The following CES5A variants were observed in gnomAD, a reference collection of about 807,000 sequenced individuals.
The protein encoded by CES5A is carboxylesterase 5A, also known as carboxylesterase 5.
Under a neutral mutation model 62.9 loss-of-function variants are expected in CES5A, and 67 were observed. That is an observed-to-expected ratio of 1.07 (90% CI 0.88 to 1.31). The LOEUF (loss-of-function observed/expected upper bound fraction) is 1.31, where lower values mean the gene tolerates loss of function less well. Among genes scored for constraint, CES5A ranks in the 50% most tolerant of loss-of-function variants. CES5A has a pLI of 0.00. For missense variants in CES5A, 748 were observed against 708.5 expected (o/e 1.06, Z -0.63); for synonymous variants, 296 against 280.8 (o/e 1.05, Z -0.54).
intron 1 of CES5A, among the ~76,000 whole-genome samples, chr16:55,900,581 C>T (rs968989116): frequency 6.6e-6 from 1 of 152,162 alleles, no homozygotes; most frequent in Non-Finnish European, 1.5e-5. Context: ...AATTGCAATG[C>T]CACAGCCACT....
intron 1 of CES5A, among the ~76,000 whole-genome samples, chr16:55,925,126 A>G (rs2034245321): frequency 6.6e-6 from 1 of 152,060 alleles, no homozygotes; most frequent in African/African-American, 2.4e-5. Context: ...CCGACAACAG[A>G]TTAATAATCA....
At chr16:55,854,839 G>A (rs2033208125) in intron 9 of CES5A, among the ~76,000 whole-genome samples, 1 of 151,998 alleles carries the variant, frequency 6.6e-6, no homozygotes, top group African/African-American at 2.4e-5. Flanking sequence ...GTTTCAGAGG[G>A]CTTTTTCTAA....
At chr16:55,908,703 C>G (rs2034063950) in intron 1 of CES5A, among the ~76,000 whole-genome samples, 1 of 152,200 alleles carries the variant, frequency 6.6e-6, no homozygotes, top group African/African-American at 2.4e-5. Context: ...CTAATCTTTC[C>G]CTTCTTGCTA....
At chr16:55,940,040 T>G (rs1197962546) in intron 2 of CES5A, among the ~76,000 whole-genome samples, 1 of 151,854 alleles carries the variant, frequency 6.6e-6, no homozygotes, top group Non-Finnish European at 1.5e-5. Context: ...GATGAAAATT[T>G]ATAGTATTGG....
chr16:55,867,383 G>T (rs2033485864), intron 4 of CES5A, among the ~76,000 whole-genome samples: 1 of 152,148 alleles, frequency 6.6e-6, no homozygotes, highest in South Asian at 2.1e-4. Flanking sequence ...GAGAACAAAT[G>T]AAACAAGTGG....
intron 1 of CES5A, among the ~76,000 whole-genome samples, chr16:55,896,102 A>T (rs968503534): frequency 5.9e-5 from 9 of 152,204 alleles, no homozygotes; most frequent in Admixed American, 3.3e-4. Flanking sequence ...CACATAGCTT[A>T]GGAGGCCTCA....
chr16:55,912,202 T>G (rs1474691408), intron 1 of CES5A, among the ~76,000 whole-genome samples: 1 of 152,210 alleles, frequency 6.6e-6, no homozygotes, highest in East Asian at 1.9e-4. Flanking sequence ...GAAGTCATCT[T>G]CTCGCTGTCG....
At chr16:55,850,906 T>TAA (rs35595444) in intron 10 of CES5A, among the ~76,000 whole-genome samples, 6 of 151,826 alleles carry the variant, frequency 4.0e-5, no homozygotes, top group Non-Finnish European at 8.8e-5. Flanking sequence ...CTTTTCTTTT[T>TAA]AAAAAAATTA....
chr16:55,920,178 T>C (rs2034190290), intron 1 of CES5A, among the ~76,000 whole-genome samples: 1 of 152,116 alleles, frequency 6.6e-6, no homozygotes, highest in Non-Finnish European at 1.5e-5. Context: ...AGAACTGGAC[T>C]CTCACATCCA....
chr16:55,876,529 G>A (rs1251538291), upstream of CES5A, among the ~76,000 whole-genome samples: 1 of 152,154 alleles, frequency 6.6e-6, no homozygotes, highest in Non-Finnish European at 1.5e-5. Context: ...AAGCATGTGT[G>A]ATGCAAAGTG....
At chr16:55,924,443 T>C in intron 1 of CES5A, among the ~76,000 whole-genome samples, 1 of 151,760 alleles carries the variant, frequency 6.6e-6, no homozygotes, top group Non-Finnish European at 1.5e-5. Context: ...CAAAGAAATA[T>C]ATTCCATGCT....
Position 55,875,255 on chromosome 16 carries a change from G to A in CES5A, c.-34C>T, listed in dbSNP as rs756008158. ...CTGCCTGCACTCTGTGAACATTGAC[G>A]GCGGCTGCTGGCCTCAGAGAGCTTC... On this transcript the variant is annotated 5_prime_UTR_variant, in exon 1 of 13. Coordinates refer to ENST00000290567, the MANE Select transcript of CES5A (RefSeq NM_001143685.2). The A allele has an allele frequency of 1.3e-5, 21 of 1,603,958 alleles. No individual in the cohort carries two copies. The Middle Eastern group carries it at 1.3e-3, about 101-fold the overall frequency.
chr16:55,883,695 C>A (rs776298546), intron 1 of CES5A, among the ~76,000 whole-genome samples: 1 of 152,190 alleles, frequency 6.6e-6, no homozygotes, highest in Non-Finnish European at 1.5e-5. Flanking sequence ...TGGCTTCTGG[C>A]AGTTTCAGAG....
intron 1 of CES5A, among the ~76,000 whole-genome samples, chr16:55,913,199 G>C (rs967576083): frequency 3.9e-5 from 6 of 152,152 alleles, no homozygotes; most frequent in African/African-American, 9.7e-5. Flanking sequence ...GGAATCATAG[G>C]GGGGTCGAAG....
chr16:55,873,343 C>A (rs1375776282), intron 2 of CES5A, among the ~76,000 whole-genome samples: 1 of 152,098 alleles, frequency 6.6e-6, no homozygotes. Context: ...CTAGGTATTG[C>A]ATCAGGCACC....
intron 1 of CES5A, among the ~76,000 whole-genome samples, chr16:55,887,014 G>A (rs1296751814): frequency 1.1e-4 from 16 of 152,234 alleles, no homozygotes; most frequent in African/African-American, 3.4e-4. Flanking sequence ...TCTATTAGGA[G>A]ATGTGCTAAG....
At chr16:55,855,654 T>G (rs6416762) in intron 9 of CES5A, among the ~76,000 whole-genome samples, 22,683 of 152,052 alleles carry the variant, frequency 0.15, 2,039 homozygotes, top group Middle Eastern at 0.26. Context: ...GAGAAACATC[T>G]GAATAGTGGG....
rs776184681 is a variant in CES5A at position 55,852,966 on chromosome 16, C to A, written c.1188G>T (p.Leu396=). The change falls in exon 10 of 13, where the codon CTG becomes CTT. Residue 396 remains leucine (L), a synonymous_variant. Transcript: ENST00000290567. ...ANEYFHDKHS[L]TEIRDSLLDL... ...CCAGAAGACTGTCTCGGATTTCAGTCAGGGAGTGCTTGTCATGGAAGTATT... is the reference window on the plus strand; with the variant it reads ...CCAGAAGACTGTCTCGGATTTCAGTAAGGGAGTGCTTGTCATGGAAGTATT... 6.2e-7 allele frequency: 1 copy of A among 1,614,046 alleles called. No individual in the cohort carries two copies.
At chr16:55,948,501 G>A (rs2034521038) in intron 2 of CES5A, among the ~76,000 whole-genome samples, 1 of 152,168 alleles carries the variant, frequency 6.6e-6, no homozygotes. Flanking sequence ...CTCTTGTCCT[G>A]TACCATAAAG....
Sources: gnomAD v4.1 joint callset for allele counts (sites outside exome capture counted in the v4.1 genomes callset) on GRCh38, gnomAD v4.1.1 for gene constraint, MANE v1.5 for transcripts, NCBI Gene and HGNC (gene_info 2026-07-23, HGNC 2026-07-21) for gene names.